NRF1: variants seen among roughly 807,000 people sequenced by gnomAD.
NRF1 encodes the protein alpha palindromic-binding protein.
NRF1 carries 5 observed loss-of-function variants against 58.5 expected under a neutral mutation model. The ratio of observed to expected loss-of-function variants is 0.09; its 90% CI spans 0.04 to 0.18. NRF1 has a LOEUF of 0.18. Ranked by LOEUF, NRF1 falls within the 10% of genes least tolerant of loss-of-function variation. NRF1 has a pLI of 1.00. For synonymous variants in NRF1, 224 were observed against 246.7 expected (o/e 0.91, Z 0.86); for missense variants, 288 against 657.7 (o/e 0.44, Z 6.15).
chr7:129,690,813 AAAAC>A (rs1203639731), intron 5 of NRF1, among the ~76,000 whole-genome samples: 1 of 152,262 alleles, frequency 6.6e-6, no homozygotes, highest in African/African-American at 2.4e-5. Flanking sequence ...GATTTAAAAA[AAAAC>A]AAAAAAACTT....
chr7:129,636,123 CT>C (rs1801164080), intron 1 of NRF1, among the ~76,000 whole-genome samples: 2 of 152,054 alleles, frequency 1.3e-5, no homozygotes, highest in South Asian at 2.1e-4. Flanking sequence ...TCATGTGATA[CT>C]TTTTTTTCCA....
At chr7:129,705,981 T>A (rs1442767234) in intron 5 of NRF1, among the ~76,000 whole-genome samples, 2 of 152,074 alleles carry the variant, frequency 1.3e-5, no homozygotes, top group Non-Finnish European at 2.9e-5. Flanking sequence ...AGTTAGTATA[T>A]GTTCCACAAA....
chr7:129,622,179 A>T (rs1800814015), intron 1 of NRF1, among the ~76,000 whole-genome samples: 1 of 152,080 alleles, frequency 6.6e-6, no homozygotes. Context: ...GTTCTTTCTT[A>T]TACCTTCCAT....
At chr7:129,618,292 A>G (rs180681660) in intron 1 of NRF1, among the ~76,000 whole-genome samples, 1 of 152,170 alleles carries the variant, frequency 6.6e-6, no homozygotes. Context: ...ATGTGTTAAG[A>G]TATCTGGGAA....
At chr7:129,709,973 G>A (rs74973964) in intron 6 of NRF1, among the ~76,000 whole-genome samples, 6,481 of 151,930 alleles carry the variant, frequency 0.043, 169 homozygotes, top group Middle Eastern at 0.12. Flanking sequence ...CAGGCCATCC[G>A]CCCTCCTCAG....
At chr7:129,736,267 C>G (rs1584684710) in intron 10 of NRF1, among the ~76,000 whole-genome samples, 4 of 142,728 alleles carry the variant, frequency 2.8e-5, no homozygotes, top group African/African-American at 1.0e-4. Context: ...CAGCAATGCT[C>G]AATAGAATTT....
intron 1 of NRF1, among the ~76,000 whole-genome samples, chr7:129,646,881 A>G (rs1801417072): frequency 6.6e-6 from 1 of 152,174 alleles, no homozygotes; most frequent in Admixed American, 6.5e-5. Flanking sequence ...ACCTTGTAGG[A>G]GAGTTACAGA....
At chr7:129,743,023 T>C (rs1803884826) in intron 10 of NRF1, among the ~76,000 whole-genome samples, 1 of 152,130 alleles carries the variant, frequency 6.6e-6, no homozygotes, top group African/African-American at 2.4e-5. Flanking sequence ...GGAGTTTCTA[T>C]TGCAGGCTTG....
intron 1 of NRF1, among the ~76,000 whole-genome samples, chr7:129,619,488 G>GTATATATATATA (rs1346163996): frequency 9.8e-5 from 4 of 40,616 alleles, no homozygotes; most frequent in Admixed American, 2.7e-4. Flanking sequence ...GTGTGTGTGT[G>GTATATATATATA]TGTATATATA....
chr7:129,648,127 C>T (rs951937224), intron 1 of NRF1, among the ~76,000 whole-genome samples: 4 of 152,088 alleles, frequency 2.6e-5, no homozygotes, highest in Admixed American at 1.3e-4. Flanking sequence ...TTCCCCATCC[C>T]GAGTCCCACT....
At chr7:129,698,539 A>G (rs1023037993) in intron 5 of NRF1, among the ~76,000 whole-genome samples, 2 of 152,068 alleles carry the variant, frequency 1.3e-5, no homozygotes, top group Non-Finnish European at 2.9e-5. Context: ...AGGTTCTGTA[A>G]CCCCAGAATT....
intron 3 of NRF1, among the ~76,000 whole-genome samples, chr7:129,673,468 G>C (rs1310070819): frequency 6.6e-6 from 1 of 152,102 alleles, no homozygotes; most frequent in South Asian, 2.1e-4. Flanking sequence ...GGTGGCTCAC[G>C]CCTGTAATCC....
Position 129,717,248 on chromosome 7 carries a change from A to C in NRF1, c.1095A>C (p.Gly365=), listed in dbSNP as rs758475449. Residue 365 remains glycine (G), a synonymous_variant, in exon 9 of 11, where the codon GGA becomes GGC. Transcript: ENST00000393232. ...EVEQNWATLQ[G]GEMTIQTTQA... is the part of the protein sequence containing the mutation. ...AACAAAATTGGGCCACGTTACAGGG[A>C]GGTGAGATGACCATCCAGACGACGC... The C allele has an allele frequency of 6.2e-7, 1 of 1,613,378 alleles. No homozygotes were observed. Among genetic ancestry groups the C allele is most frequent in the South Asian group, 1.1e-5 (1 of 90,938 alleles).
At chr7:129,723,010 A>C (rs1383949974) in intron 9 of NRF1, among the ~76,000 whole-genome samples, 2 of 152,258 alleles carry the variant, frequency 1.3e-5, no homozygotes, top group African/African-American at 2.4e-5. Flanking sequence ...TCCAAAGAGT[A>C]TACTTTTCTG....
chr7:129,732,045 CCT>C (rs1803591604), intron 10 of NRF1, among the ~76,000 whole-genome samples: 1 of 152,176 alleles, frequency 6.6e-6, no homozygotes, highest in Non-Finnish European at 1.5e-5. Context: ...CCCAGAACCC[CCT>C]GTGTTCCAGG....
intron 1 of NRF1, among the ~76,000 whole-genome samples, chr7:129,655,797 C>T (rs575353783): frequency 4.8e-4 from 73 of 152,332 alleles, no homozygotes; most frequent in African/African-American, 1.6e-3. Context: ...GCTGGGATTA[C>T]AGGCGTGAGC....
At chr7:129,704,600 G>A (rs538896219) in intron 5 of NRF1, among the ~76,000 whole-genome samples, 114 of 152,188 alleles carry the variant, frequency 7.5e-4, no homozygotes, top group African/African-American at 2.6e-3. Flanking sequence ...TATATTTTTG[G>A]ATTTTTTTAA....
intron 4 of NRF1, among the ~76,000 whole-genome samples, chr7:129,684,004 TAGA>T (rs1802388324): frequency 6.6e-6 from 1 of 152,154 alleles, no homozygotes; most frequent in Non-Finnish European, 1.5e-5. Context: ...AATAAAAACT[TAGA>T]AGGTATTATC....
At chr7:129,676,524 G>A (rs1802182848) in intron 3 of NRF1, among the ~76,000 whole-genome samples, 1 of 152,258 alleles carries the variant, frequency 6.6e-6, no homozygotes, top group East Asian at 1.9e-4. Flanking sequence ...CAGTTGGTCA[G>A]TGGGGCATTC....
Sources: gnomAD v4.1 joint callset for allele counts (sites outside exome capture counted in the v4.1 genomes callset) on GRCh38, gnomAD v4.1.1 for gene constraint, MANE v1.5 for transcripts, NCBI Gene and HGNC (gene_info 2026-07-23, HGNC 2026-07-21) for gene names.